Variants in KPRP observed in about 807,000 individuals in gnomAD.
The protein encoded by KPRP is keratinocyte proline rich protein, also known as keratinocyte proline-rich protein.
For missense variants in KPRP, 820 were observed against 746.4 expected (o/e 1.10, Z -1.15); for synonymous variants, 282 against 276.9 (o/e 1.02, Z -0.18).
chr1:152,758,514 A>G (rs1490875507), upstream of KPRP, among the ~76,000 whole-genome samples: 1 of 152,156 alleles, frequency 6.6e-6, no homozygotes, highest in Non-Finnish European at 1.5e-5. Context: ...TTGTCAAATG[A>G]TCTTGTTTTG....
chr1:152,761,448 G>A (rs953332115), exon 1 of KPRP: 12 of 1,455,140 alleles, frequency 8.2e-6, no homozygotes, highest in Middle Eastern at 1.9e-4. Context: ...TCCCTATTAC[G>A]AAGGTGATGT....
At chr1:152,758,535 G>A (rs73016706), upstream of KPRP, among the ~76,000 whole-genome samples, 2,060 of 152,244 alleles carry the variant, frequency 0.014, 52 homozygotes, top group African/African-American at 0.047. Context: ...CTGGTCAGTG[G>A]GCTGCCTGCA....
upstream of KPRP, among the ~76,000 whole-genome samples, chr1:152,758,642 G>A (rs1407341625): frequency 6.6e-6 from 1 of 152,176 alleles, no homozygotes; most frequent in Non-Finnish European, 1.5e-5. Context: ...CAGCCCTCAC[G>A]TTATGTTTGC....
chr1:152,761,559 C>T (rs1651134407), exon 1 of KPRP: 2 of 654,120 alleles, frequency 3.1e-6, no homozygotes, highest in Non-Finnish European at 4.9e-6. Flanking sequence ...TCGGCTCTAG[C>T]CAGACCAGTC....
exon 1 of KPRP, chr1:152,761,523 G>A (rs938956280): frequency 2.9e-6 from 3 of 1,048,984 alleles, no homozygotes; most frequent in Middle Eastern, 3.2e-4. Context: ...CCAGCCTCAC[G>A]TGTCACTCCT....
chr1:152,758,354 C>T (rs1009035087), upstream of KPRP, among the ~76,000 whole-genome samples: 1 of 152,202 alleles, frequency 6.6e-6, no homozygotes, highest in African/African-American at 2.4e-5. Context: ...TAGCAATTTA[C>T]ACCTTATGAG....
exon 1 of KPRP, chr1:152,761,225 G>A: frequency 6.2e-7 from 1 of 1,614,178 alleles, no homozygotes; most frequent in Non-Finnish European, 8.5e-7. Flanking sequence ...GCTGGCTGTG[G>A]GCCTGGTGAT....
chr1:152,761,472 C>G, exon 1 of KPRP: 1 of 1,426,470 alleles, frequency 7.0e-7, no homozygotes, highest in Non-Finnish European at 9.3e-7. Flanking sequence ...AACTCCTTTG[C>G]CTATCATCCA....
chr1:152,761,367 A>T, exon 1 of KPRP: 1 of 1,574,186 alleles, frequency 6.4e-7, no homozygotes, highest in Non-Finnish European at 8.6e-7. Context: ...CCTGCTCTGA[A>T]AATGTTGTTC....
At chr1:152,760,952 G>A in exon 1 of KPRP, 1 of 1,612,642 alleles carries the variant, frequency 6.2e-7, no homozygotes, top group Non-Finnish European at 8.5e-7. Context: ...CCAGGGCAGT[G>A]TGAGATTCCA....
At chr1:152,758,149 GA>G (rs1651000572), upstream of KPRP, among the ~76,000 whole-genome samples, 1 of 152,190 alleles carries the variant, frequency 6.6e-6, no homozygotes. Flanking sequence ...AAAGAAGGGA[GA>G]AGCTAGGCAC....
At chr1:152,758,103 T>C (rs547088553), upstream of KPRP, among the ~76,000 whole-genome samples, 1 of 152,262 alleles carries the variant, frequency 6.6e-6, no homozygotes, top group East Asian at 1.9e-4. Flanking sequence ...GGATGTGATG[T>C]TCAGGGGAGA....
chr1:152,761,333 A>G, exon 1 of KPRP: 1 of 1,610,094 alleles, frequency 6.2e-7, no homozygotes. Context: ...TTTTAAAGGA[A>G]AGGTGACTGA....
exon 1 of KPRP, chr1:152,761,383 A>C: frequency 6.4e-7 from 1 of 1,552,516 alleles, no homozygotes; most frequent in East Asian, 2.3e-5. Context: ...TGTTCCTCCT[A>C]TTCCACAATT....
exon 1 of KPRP, chr1:152,760,667 A>C: frequency 6.2e-7 from 1 of 1,612,320 alleles, no homozygotes; most frequent in Non-Finnish European, 8.5e-7. Context: ...TGTGGCCCGC[A>C]GCCCTCCTGG....
exon 1 of KPRP, chr1:152,760,052 C>T (rs1651055581): frequency 6.2e-7 from 1 of 1,614,116 alleles, no homozygotes; most frequent in Non-Finnish European, 8.5e-7. Flanking sequence ...AACTATGTAC[C>T]CTGTCCAGCT....
At chr1:152,761,453 T>C in exon 1 of KPRP, 1 of 1,451,200 alleles carries the variant, frequency 6.9e-7, no homozygotes, top group Non-Finnish European at 9.1e-7. Flanking sequence ...ATTACGAAGG[T>C]GATGTCCAAA....
exon 1 of KPRP, chr1:152,761,223 T>C: frequency 6.2e-7 from 1 of 1,614,130 alleles, no homozygotes; most frequent in South Asian, 1.1e-5. Flanking sequence ...GTGCTGGCTG[T>C]GGGCCTGGTG....
rs774787189 is a variant in KPRP, at chr1:152,760,950, G to T, written c.1362G>T (p.Gln454His). The T allele has an allele frequency of 1.3e-5, 21 of 1,612,592 alleles. No homozygotes were observed. Among genetic ancestry groups the T allele is most frequent in the Non-Finnish European group, 1.8e-5 (21 of 1,180,034 alleles). The change falls in exon 1 of 1, where the codon CAG (glutamine) becomes CAT (histidine). Residue 454 changes from glutamine to histidine, a missense_variant. Physicochemically the swap from Gln to His is conservative, Grantham distance 24. Coordinates refer to ENST00000606109, the Ensembl canonical transcript of KPRP. ...CAGTTCCCCTTCCTCGCCCAGGGCA[G>T]TGTGAGATTCCAGAGCCACGTCCAT...
Sources: allele counts gnomAD v4.1 joint callset (sites outside exome capture counted in the v4.1 genomes callset), GRCh38; gene constraint gnomAD v4.1.1; transcripts MANE v1.5; gene names NCBI Gene and HGNC (gene_info 2026-07-23, HGNC 2026-07-21).